LRRK2: variants seen among roughly 807,000 people sequenced by gnomAD.
The protein encoded by LRRK2 is leucine-rich repeat serine/threonine-protein kinase 2.
LRRK2 carries 203 observed loss-of-function variants against 302.6 expected under a neutral mutation model. The ratio of observed to expected loss-of-function variants is 0.67; its 90% CI spans 0.60 to 0.75. LRRK2 has a LOEUF of 0.75. LRRK2 is among the 30% of genes least tolerant of loss of function. The probability of loss-of-function intolerance (pLI) is 0.00; values close to 1 mark genes in which losing one functional copy is unlikely to be tolerated. For missense variants in LRRK2, 2,830 were observed against 2,951.0 expected (o/e 0.96, Z 0.95); for synonymous variants, 1,066 against 1,031.9 (o/e 1.03, Z -0.63).
intron 19 of LRRK2, among the ~76,000 whole-genome samples, chr12:40,285,498 C>T (rs905519652): frequency 6.6e-6 from 1 of 151,730 alleles, no homozygotes; most frequent in Non-Finnish European, 1.5e-5. Flanking sequence ...TTTAAATTGT[C>T]CTCTTTTGAG....
chr12:40,357,776 TTTTTG>T (rs1303945781), intron 46 of LRRK2, among the ~76,000 whole-genome samples: 1 of 152,222 alleles, frequency 6.6e-6, no homozygotes, highest in Non-Finnish European at 1.5e-5. Context: ...CTTTGCCAAC[TTTTTG>T]TTTTGTTTTA....
At chr12:40,276,928 GC>G (rs1943481590) in intron 16 of LRRK2, among the ~76,000 whole-genome samples, 1 of 152,054 alleles carries the variant, frequency 6.6e-6, no homozygotes, top group Non-Finnish European at 1.5e-5. Context: ...TGCCTCCTGG[GC>G]CCATCCTCCT....
At chr12:40,248,226 T>A (rs2136463599) in intron 7 of LRRK2, among the ~76,000 whole-genome samples, 2 of 152,322 alleles carry the variant, frequency 1.3e-5, no homozygotes, top group Non-Finnish European at 2.9e-5. Context: ...TTGCACATGT[T>A]ACATTAAAAT....
At chr12:40,294,559 T>C (rs894086795) in intron 21 of LRRK2, among the ~76,000 whole-genome samples, 6 of 152,066 alleles carry the variant, frequency 3.9e-5, no homozygotes, top group African/African-American at 1.4e-4. Context: ...GTAGTTTGGT[T>C]AATGAGAAAT....
intron 7 of LRRK2, among the ~76,000 whole-genome samples, chr12:40,246,412 C>T (rs1323138696): frequency 6.6e-6 from 1 of 151,848 alleles, no homozygotes; most frequent in Non-Finnish European, 1.5e-5. Flanking sequence ...TCACATATAC[C>T]AGGTGAGTTT....
intron 14 of LRRK2, among the ~76,000 whole-genome samples, chr12:40,270,346 A>G (rs572703122): frequency 5.3e-5 from 8 of 152,192 alleles, no homozygotes; most frequent in Admixed American, 3.3e-4. Context: ...GTTTGTGTTT[A>G]TCTTACTCCT....
At chr12:40,307,782 T>TC (rs1944879582) in intron 28 of LRRK2, among the ~76,000 whole-genome samples, 1 of 4,222 alleles carries the variant, frequency 2.4e-4, no homozygotes, top group Admixed American at 3.5e-3. Flanking sequence ...TTTTCTTTTC[T>TC]TTTTTTTTTT....
In LRRK2 at chr12:40,359,434, A is replaced by C. The variant is rs776882582; in HGVS notation, c.7018A>C (p.Thr2340Pro). 2 of 1,612,930 alleles carry C rather than the reference A, an allele frequency of 1.2e-6. No homozygotes were observed. Among genetic ancestry groups the C allele is most frequent in the East Asian group, 2.2e-5 (1 of 44,764 alleles). The change falls in exon 47 of 51, where the codon ACA becomes CCA. Residue 2340 changes from threonine to proline, a missense_variant. Physicochemically the swap from Thr to Pro is conservative, Grantham distance 38. This residue lies in a region of LRRK2 where 456 missense variants were observed against 456.3 expected (regional missense o/e 1.00). Transcript: ENST00000298910. ...FTIQKLIETR[T>P]SQLFSYAAFS... ...CATTCAGAAACTCATTGAGACAAGA[A>C]CAAGCCAACTGTAAGTTATTTTTTA...
intron 44 of LRRK2, among the ~76,000 whole-genome samples, chr12:40,352,871 A>G (rs1312590981): frequency 6.6e-6 from 1 of 152,138 alleles, no homozygotes; most frequent in Admixed American, 6.5e-5. Context: ...TTCTACACAG[A>G]CACAGCAACA....
intron 38 of LRRK2, 133 bp downstream of exon 38, chr12:40,323,439 G>A: frequency 2.4e-6 from 2 of 818,970 alleles, no homozygotes; most frequent in African/African-American, 1.7e-5. Context: ...TTTGTATTTG[G>A]AATGATATAT....
At chr12:40,234,339 T>A (rs1941339581) in intron 3 of LRRK2, among the ~76,000 whole-genome samples, 1 of 147,854 alleles carries the variant, frequency 6.8e-6, no homozygotes, top group African/African-American at 2.5e-5. Context: ...TATCTTGAAC[T>A]AACTAAACAT....
intron 39 of LRRK2, among the ~76,000 whole-genome samples, chr12:40,329,541 A>AT (rs892856940): frequency 2.0e-5 from 3 of 152,094 alleles, no homozygotes; most frequent in Non-Finnish European, 2.9e-5. Flanking sequence ...CCATTTATAT[A>AT]TTTTTTTATT....
At chr12:40,354,205 AGTTAT>A in intron 44 of LRRK2, 89 bp from the exon 45 acceptor site, 1 of 1,028,298 alleles carries the variant, frequency 9.7e-7, no homozygotes, top group South Asian at 1.5e-5. Flanking sequence ...AAGCAAAAAG[AGTTAT>A]GTTGATAACA....
At chr12:40,340,261 T>A in intron 40 of LRRK2, 33 bp from the exon 41 acceptor site, 1 of 1,610,202 alleles carries the variant, frequency 6.2e-7, no homozygotes, top group African/African-American at 1.3e-5. Flanking sequence ...TGTAATCACA[T>A]TTGAATAAGA....
Position 40,240,626 on chromosome 12 carries a change from C to T in LRRK2, c.706+9C>T, listed in dbSNP as rs116460050. 1 of 1,611,096 alleles carries T rather than the reference C, an allele frequency of 6.2e-7. No homozygotes were observed. Among genetic ancestry groups the T allele is most frequent in the African/African-American group, 1.3e-5 (1 of 74,814 alleles). ...TTCCCTAGCGATTCCTTGTAAGTAGCATTTAAATGTTATTTATTTTTTGTA... is the reference window on the plus strand; with the variant it reads ...TTCCCTAGCGATTCCTTGTAAGTAGTATTTAAATGTTATTTATTTTTTGTA... On this transcript the variant is annotated intron_variant, in intron 6 of 50. Transcript: ENST00000298910.
chr12:40,339,307 T>C (rs1945966565), intron 40 of LRRK2, among the ~76,000 whole-genome samples: 4 of 152,214 alleles, frequency 2.6e-5, no homozygotes, highest in Admixed American at 2.6e-4. Flanking sequence ...TGACATCACA[T>C]GAAATGCTGT....
In LRRK2 at chr12:40,304,408, C is replaced by T. The variant is rs1193041679; in HGVS notation, c.3777+274C>T. The stretch of plus-strand genomic sequence containing the variant: ...AATAAGGTAGTAGCCTTAATACTTC[C>T]ACTAAACAATAAAACAATATGCTAT... On this transcript the variant is annotated intron_variant, in intron 27 of 50. Transcript: ENST00000298910. 4 of 521,094 alleles carry T rather than the reference C, an allele frequency of 7.7e-6. No individual in the cohort carries two copies. In the East Asian group the frequency reaches 1.3e-4, roughly 17 times the overall value. 32.3% of individuals were successfully genotyped at this position (521,094 alleles called of 1,614,324 possible). A position where few individuals can be genotyped will look rare whatever the true frequency, so the allele number is the denominator to read the frequency against.
chr12:40,302,209 A>C (rs1437227295), intron 25 of LRRK2, among the ~76,000 whole-genome samples: 1 of 151,996 alleles, frequency 6.6e-6, no homozygotes, highest in East Asian at 1.9e-4. Context: ...AATAATAAAA[A>C]ATAAAAAAAT....
At chr12:40,256,559 C>T (rs960599350) in intron 11 of LRRK2, among the ~76,000 whole-genome samples, 2 of 152,182 alleles carry the variant, frequency 1.3e-5, no homozygotes, top group African/African-American at 4.8e-5. Context: ...CTATATGTTT[C>T]CTAGACTTTG....
Sources: allele counts gnomAD v4.1 joint callset (sites outside exome capture counted in the v4.1 genomes callset), GRCh38; gene constraint gnomAD v4.1.1; regional missense constraint gnomAD v4.1.1; transcripts MANE v1.5; gene names NCBI Gene and HGNC (gene_info 2026-07-23, HGNC 2026-07-21).